Variants in SNTB1 observed in about 807,000 individuals in gnomAD.
SNTB1 encodes beta-1-syntrophin.
In SNTB1, 36 loss-of-function variants were observed where a neutral mutation model predicts 48.9. The observed-to-expected ratio is 0.74, with a 90% CI of 0.56 to 0.97. SNTB1 has a LOEUF of 0.97. Among genes scored for constraint, SNTB1 ranks in the 50% least tolerant of loss-of-function variants. The pLI, the probability that SNTB1 is intolerant of heterozygous loss-of-function variation, is 0.00. For synonymous variants in SNTB1, 299 were observed against 294.6 expected (o/e 1.01, Z -0.15); for missense variants, 786 against 703.4 (o/e 1.12, Z -1.33).
intron 1 of SNTB1, among the ~76,000 whole-genome samples, chr8:120,697,016 G>A (rs1362236550): frequency 6.6e-6 from 1 of 152,182 alleles, no homozygotes; most frequent in Non-Finnish European, 1.5e-5. Context: ...TAAGAGAAAG[G>A]ATTAGAAGTA....
chr8:120,606,178 A>T (rs937297250), intron 3 of SNTB1, among the ~76,000 whole-genome samples: 10 of 142,504 alleles, frequency 7.0e-5, no homozygotes, highest in Non-Finnish European at 1.1e-4. Flanking sequence ...GTATCTATAT[A>T]TATAATTATA....
At chr8:120,804,372 G>A (rs767827421) in intron 1 of SNTB1, among the ~76,000 whole-genome samples, 1 of 152,002 alleles carries the variant, frequency 6.6e-6, no homozygotes, top group Non-Finnish European at 1.5e-5. Context: ...CTAATCACCG[G>A]CTCAAGTACT....
At chr8:120,774,047 G>A (rs1047056487) in intron 1 of SNTB1, among the ~76,000 whole-genome samples, 9 of 152,238 alleles carry the variant, frequency 5.9e-5, no homozygotes, top group Non-Finnish European at 1.5e-5. Flanking sequence ...ATGACATTCA[G>A]AGTGGAACAG....
chr8:120,780,293 G>C (rs1345966373), intron 1 of SNTB1, among the ~76,000 whole-genome samples: 1 of 152,122 alleles, frequency 6.6e-6, no homozygotes, highest in Non-Finnish European at 1.5e-5. Flanking sequence ...CTCTTCTTAA[G>C]CTATGCTTTA....
At chr8:120,581,594 ACT>A (rs530191748) in intron 3 of SNTB1, among the ~76,000 whole-genome samples, 89 of 152,008 alleles carry the variant, frequency 5.9e-4, no homozygotes, top group African/African-American at 2.0e-3. Context: ...ACAGAGTGAG[ACT>A]CTGTCTCAAA....
intron 2 of SNTB1, among the ~76,000 whole-genome samples, chr8:120,647,243 T>G (rs1180036964): frequency 2.0e-4 from 22 of 109,110 alleles, no homozygotes; most frequent in Non-Finnish European, 3.3e-4. Flanking sequence ...TTCTAGTTCT[T>G]CTAATTGTGA....
intron 4 of SNTB1, among the ~76,000 whole-genome samples, chr8:120,553,638 A>C (rs1815518418): frequency 6.6e-6 from 1 of 152,240 alleles, no homozygotes; most frequent in Non-Finnish European, 1.5e-5. Flanking sequence ...GCTTGAAAAC[A>C]AAACCATTAA....
chr8:120,606,873 T>C (rs1203105321), intron 3 of SNTB1, among the ~76,000 whole-genome samples: 2 of 152,160 alleles, frequency 1.3e-5, no homozygotes, highest in Admixed American at 6.5e-5. Flanking sequence ...CTGTTTAAGT[T>C]AGGGAAAATA....
intron 3 of SNTB1, among the ~76,000 whole-genome samples, chr8:120,608,158 A>T (rs562845560): frequency 6.6e-6 from 1 of 152,344 alleles, no homozygotes; most frequent in South Asian, 2.1e-4. Flanking sequence ...AGGTACACAG[A>T]ATTCCCAAAT....
intron 3 of SNTB1, among the ~76,000 whole-genome samples, chr8:120,611,492 C>T (rs762877133): frequency 2.4e-4 from 36 of 152,000 alleles, no homozygotes; most frequent in Admixed American, 7.9e-4. Context: ...ACCTCTGAGA[C>T]GAGAGATAAT....
intron 2 of SNTB1, among the ~76,000 whole-genome samples, chr8:120,643,995 A>T (rs1051121965): frequency 6.6e-6 from 1 of 152,196 alleles, no homozygotes; most frequent in Non-Finnish European, 1.5e-5. Context: ...GAAGAGTACC[A>T]AAGCATCTGT....
intron 1 of SNTB1, among the ~76,000 whole-genome samples, chr8:120,779,995 GA>G (rs1359991559): frequency 6.6e-6 from 1 of 151,066 alleles, no homozygotes; most frequent in Non-Finnish European, 1.5e-5. Flanking sequence ...GGGGCTGATG[GA>G]AAAGTGGTGG....
intron 1 of SNTB1, among the ~76,000 whole-genome samples, chr8:120,711,065 A>C (rs954235993): frequency 6.6e-6 from 1 of 152,164 alleles, no homozygotes; most frequent in Admixed American, 6.5e-5. Flanking sequence ...AAAACAAAAC[A>C]AAACCCTACT....
chr8:120,632,156 T>C (rs1038510272), intron 3 of SNTB1, among the ~76,000 whole-genome samples: 12 of 152,178 alleles, frequency 7.9e-5, no homozygotes, highest in Non-Finnish European at 7.3e-5. Flanking sequence ...CCTTCATACA[T>C]AGATGTTAAA....
At chr8:120,774,952 C>G (rs1199848944) in intron 1 of SNTB1, among the ~76,000 whole-genome samples, 1 of 152,132 alleles carries the variant, frequency 6.6e-6, no homozygotes, top group African/African-American at 2.4e-5. Context: ...CCACGCCCGG[C>G]CAGAAGAGCA....
intron 1 of SNTB1, among the ~76,000 whole-genome samples, chr8:120,730,922 C>T (rs528323324): frequency 6.6e-6 from 1 of 152,088 alleles, no homozygotes; most frequent in East Asian, 1.9e-4. Flanking sequence ...GAGTTTGAGA[C>T]TACCGTGGCC....
At chr8:120,610,781 T>C (rs1816609128) in intron 3 of SNTB1, among the ~76,000 whole-genome samples, 1 of 152,142 alleles carries the variant, frequency 6.6e-6, no homozygotes, top group Admixed American at 6.5e-5. Flanking sequence ...TCAGGTGTTT[T>C]CTCTCTGTTA....
At chr8:120,793,676 A>C (rs1028840168) in intron 1 of SNTB1, among the ~76,000 whole-genome samples, 5 of 152,058 alleles carry the variant, frequency 3.3e-5, no homozygotes, top group Non-Finnish European at 7.4e-5. Context: ...GTAACTGCAG[A>C]TCAGCCTATT....
At position 120,669,426 on chromosome 8, in the gene SNTB1, T is replaced by C. The variant is rs117954277; in HGVS notation, c.788+24266A>G. Among the ~76,000 whole-genome samples, 6 of 151,854 alleles carry C rather than the reference T, an allele frequency of 4.0e-5. 1 individual carries two copies. Among genetic ancestry groups the C allele is most frequent in the Non-Finnish European group, 8.8e-5 (6 of 67,940 alleles). On this transcript the variant is annotated intron_variant, in intron 2 of 6. Coordinates refer to ENST00000517992, the MANE Select transcript of SNTB1 (RefSeq NM_021021.4). ...GTTTGGTGAAAGCTCAGTGATCTAT[T>C]CAAAATGAAAATGCTTGTTTTTTTT... is the stretch of plus-strand genomic sequence containing the variant.
Sources: gnomAD v4.1 joint callset for allele counts (sites outside exome capture counted in the v4.1 genomes callset) on GRCh38, gnomAD v4.1.1 for gene constraint, MANE v1.5 for transcripts, NCBI Gene and HGNC (gene_info 2026-07-23, HGNC 2026-07-21) for gene names.